Variants in SLC2A3 observed in about 807,000 individuals in gnomAD.
The protein encoded by SLC2A3 is solute carrier family 2, facilitated glucose transporter member 3.
SLC2A3 carries 21 observed loss-of-function variants against 46.4 expected under a neutral mutation model. The observed-to-expected ratio is 0.45, with a 90% CI of 0.32 to 0.65. The LOEUF is 0.65. Among genes scored for constraint, SLC2A3 ranks in the 30% least tolerant of loss-of-function variants. The pLI is 0.04. For synonymous variants in SLC2A3, 213 were observed against 239.4 expected (o/e 0.89, Z 1.02); for missense variants, 499 against 623.3 (o/e 0.80, Z 2.12).
intron 8 of SLC2A3, among the ~76,000 whole-genome samples, chr12:7,923,768 ATTTTT>A (rs59914158): frequency 3.7e-5 from 5 of 135,664 alleles, no homozygotes; most frequent in African/African-American, 5.5e-5. Flanking sequence ...CCAGGATTGG[ATTTTT>A]TTTTTTTTTT....
chr12:7,928,391 C>T (rs929178599), intron 6 of SLC2A3, among the ~76,000 whole-genome samples: 2 of 150,556 alleles, frequency 1.3e-5, no homozygotes, highest in East Asian at 3.9e-4. Context: ...GAGTGAGACT[C>T]TGTTTCAAAA....
At chr12:7,931,821 G>T (rs978959541) in intron 3 of SLC2A3, among the ~76,000 whole-genome samples, 5 of 151,444 alleles carry the variant, frequency 3.3e-5, no homozygotes, top group African/African-American at 1.2e-4. Context: ...AGTAAAACAG[G>T]TTGCTTTACC....
At chr12:7,922,619 G>C (rs1946049754) in intron 9 of SLC2A3, among the ~76,000 whole-genome samples, 1 of 151,838 alleles carries the variant, frequency 6.6e-6, no homozygotes, top group African/African-American at 2.4e-5. Context: ...GCACCACCAT[G>C]CCCAGCTAAT....
intron 1 of SLC2A3, among the ~76,000 whole-genome samples, chr12:7,935,138 T>C (rs974140703): frequency 3.3e-5 from 5 of 152,136 alleles, no homozygotes; most frequent in African/African-American, 1.2e-4. Flanking sequence ...CCCTTATTTT[T>C]AGTTAAATTT....
intron 7 of SLC2A3, chr12:7,925,214 A>G (rs1323593194): frequency 6.6e-6 from 1 of 152,632 alleles, no homozygotes; most frequent in Non-Finnish European, 1.5e-5. Context: ...CCTTTAAATC[A>G]AACTAGGAAA....
At chr12:7,929,483 G>A in intron 6 of SLC2A3, 1 of 642,916 alleles carries the variant, frequency 1.6e-6, no homozygotes, top group Non-Finnish European at 2.4e-6. Context: ...TTAAATTTCA[G>A]AGACACAGTC....
At position 7,922,984 on chromosome 12, in the gene SLC2A3, A is replaced by G. The variant is rs776453061; in HGVS notation, c.1109T>C (p.Ile370Thr). The G allele has an allele frequency of 1.4e-5, 23 of 1,613,946 alleles. No homozygotes were observed. The highest frequency in any genetic ancestry group is 2.2e-5 in the East Asian group (1 of 44,892). The change falls in exon 9 of 10, where the codon ATC (isoleucine) becomes ACC (threonine). Residue 370 changes from isoleucine to threonine, a missense_variant. Physicochemically the swap from Ile to Thr is moderately conservative, Grantham distance 89. Around this residue, in one of 5 missense-constraint regions of SLC2A3, gnomAD observed 179 missense variants for 205.1 expected, o/e 0.87. Coordinates refer to ENST00000075120, the MANE Select transcript of SLC2A3 (RefSeq NM_006931.3). ...NGMSFVCIGA[I>T]LVFVAFFEIG... ...TTCAAAGAAGGCTACAAAGACCAAG[A>G]TAGCCCCAATACAGACAAAGCTCAT...
At position 7,936,134 on chromosome 12, in the gene SLC2A3, A is replaced by G. The variant is rs1592360329; in HGVS notation, c.-100T>C. On this transcript the variant is annotated 5_prime_UTR_variant, in exon 1 of 10. Transcript: ENST00000075120. ...CTTCAAAATGTCCTTCTCAGCAGCAAGTTTTCTCCACGTCCTCAGGAAGGA... is the reference window on the plus strand; with the variant it reads ...CTTCAAAATGTCCTTCTCAGCAGCAGGTTTTCTCCACGTCCTCAGGAAGGA... 1.0e-6 allele frequency: 1 copy of G among 972,430 alleles called. No homozygotes were observed. The highest frequency in any genetic ancestry group is 2.4e-5 in the East Asian group (1 of 42,072). The allele number at this position is 972,430 out of a possible 1,614,324, so 60.2% of individuals were successfully genotyped here.
intron 9 of SLC2A3, among the ~76,000 whole-genome samples, chr12:7,922,069 T>C (rs953381232): frequency 3.3e-5 from 5 of 151,926 alleles, no homozygotes; most frequent in Non-Finnish European, 7.4e-5. Flanking sequence ...TCACCCAGGC[T>C]GGAGAGCAGA....
In SLC2A3 at chr12:7,921,463, T is replaced by C. The variant is rs1946036028; in HGVS notation, c.1441A>G (p.Met481Val). The stretch of plus-strand genomic sequence containing the variant: ...GCAGGCTCGATGCTGTTCATCTCCA[T>C]GACGCCGTCCTTTCCAGATCTATCT... ...GADRSGKDGV[M>V]EMNSIEPAKE... Residue 481 changes from methionine to valine, a missense_variant, in exon 10 of 10, where the codon ATG becomes GTG. By Grantham distance (21) the Met-to-Val change is conservative. Coordinates refer to ENST00000075120, the MANE Select transcript of SLC2A3 (RefSeq NM_006931.3). 1 of 1,613,956 alleles carries C rather than the reference T, an allele frequency of 6.2e-7. No individual in the cohort carries two copies. Among genetic ancestry groups the C allele is most frequent in the Admixed American group, 1.7e-5 (1 of 60,006 alleles).
At chr12:7,921,909 TGGGCCGA>T (rs1282742036) in intron 9 of SLC2A3, among the ~76,000 whole-genome samples, 1 of 152,114 alleles carries the variant, frequency 6.6e-6, no homozygotes, top group Non-Finnish European at 1.5e-5. Context: ...TCTGTGTTTC[TGGGCCGA>T]GTGCGGTGGC....
chr12:7,928,055 G>C (rs1348012949), intron 6 of SLC2A3, among the ~76,000 whole-genome samples: 1 of 152,028 alleles, frequency 6.6e-6, no homozygotes, highest in Non-Finnish European at 1.5e-5. Flanking sequence ...GTGGTGAGCT[G>C]AGATTGCGCC....
At chr12:7,930,008 A>G in intron 5 of SLC2A3, 137 bp from the exon 6 acceptor site, 5 of 1,464,662 alleles carry the variant, frequency 3.4e-6, no homozygotes, top group Non-Finnish European at 4.5e-6. Flanking sequence ...TTTTTGAGAC[A>G]GAGTTTCACT....
chr12:7,935,581 G>A (rs182558823), intron 1 of SLC2A3, among the ~76,000 whole-genome samples: 156 of 152,154 alleles, frequency 1.0e-3, no homozygotes, highest in African/African-American at 3.7e-3. Flanking sequence ...TAGCATCCAC[G>A]AACCCCATAT....
chr12:7,930,765 T>C (rs1946143519), intron 4 of SLC2A3, 123 bp from the exon 5 acceptor site: 1 of 1,122,484 alleles, frequency 8.9e-7, no homozygotes, highest in Non-Finnish European at 1.2e-6. Flanking sequence ...ACAAATTGTG[T>C]TTCTTTTCCT....
intron 5 of SLC2A3, 90 bp from the exon 6 acceptor site, chr12:7,929,961 G>C: frequency 6.4e-7 from 1 of 1,556,588 alleles, no homozygotes; most frequent in Non-Finnish European, 8.7e-7. Flanking sequence ...AGGGCCGCAC[G>C]AGGTGAGGTG....
At chr12:7,933,531 T>A (rs1946181140) in intron 2 of SLC2A3, 1 of 474,246 alleles carries the variant, frequency 2.1e-6, no homozygotes, top group East Asian at 3.6e-5. Flanking sequence ...ACCCCACTAA[T>A]TTTCCCCACC....
Position 7,930,177 on chromosome 12 carries a change from G to A in SLC2A3, c.673+303C>T, listed in dbSNP as rs1328701857. 3 of 534,092 alleles carry A rather than the reference G, an allele frequency of 5.6e-6. No individual in the cohort carries two copies. In the East Asian group the frequency reaches 1.2e-4, roughly 21 times the overall value. 33.1% of individuals were successfully genotyped at this position (534,092 alleles called of 1,614,324 possible). ...ATTTTGTATTTTTAGTAGAGACAGG[G>A]TTTCTCCATGTTGTTTCAGGCAGGT... On this transcript the variant is annotated intron_variant, in intron 5 of 9. Coordinates refer to ENST00000075120, the MANE Select transcript of SLC2A3 (RefSeq NM_006931.3).
intron 1 of SLC2A3, among the ~76,000 whole-genome samples, chr12:7,935,796 C>T (rs1277245069): frequency 6.6e-6 from 1 of 152,114 alleles, no homozygotes; most frequent in African/African-American, 2.4e-5. Context: ...GAGAAGCAAA[C>T]ACAACTTCTC....
Sources: gnomAD v4.1 joint callset for allele counts (sites outside exome capture counted in the v4.1 genomes callset) on GRCh38, gnomAD v4.1.1 for gene constraint, gnomAD v4.1.1 regional missense constraint, MANE v1.5 for transcripts, NCBI Gene and HGNC (gene_info 2026-07-23, HGNC 2026-07-21) for gene names.